Variants in SCLT1 observed in about 807,000 individuals in gnomAD.
The protein encoded by SCLT1 is sodium channel-associated protein 1.
Under a neutral mutation model 112.8 loss-of-function variants are expected in SCLT1, and 78 were observed. That is an observed-to-expected ratio of 0.69 (90% confidence interval 0.58 to 0.83). SCLT1 has a LOEUF of 0.83. Among genes scored for constraint, SCLT1 ranks in the 40% least tolerant of loss-of-function variants. The pLI is 0.00. For missense variants in SCLT1, 747 were observed against 770.4 expected (o/e 0.97, Z 0.36); for synonymous variants, 257 against 254.7 (o/e 1.01, Z -0.09).
At chr4:129,075,675 T>A (rs1238430363) in intron 2 of SCLT1, among the ~76,000 whole-genome samples, 1 of 152,206 alleles carries the variant, frequency 6.6e-6, no homozygotes, top group Non-Finnish European at 1.5e-5. Context: ...GCTACAATAC[T>A]GGACAGTGCA....
In SCLT1 at chr4:128,902,720, CAT is replaced by C. The variant is rs571973171; in HGVS notation, c.1830-11585_1830-11584del. Among the ~76,000 whole-genome samples the C allele has an allele frequency of 9.8e-4, 149 of 152,256 alleles. 2 individuals are homozygous for C. Among genetic ancestry groups the C allele is most frequent in the Non-Finnish European group, 1.5e-3 (100 of 68,000 alleles). On this transcript the variant is annotated intron_variant, in intron 18 of 20. Coordinates refer to ENST00000281142, the MANE Select transcript of SCLT1 (RefSeq NM_144643.4). ...TGAAGCTACACTAAATTTATAAAAACATATTTTTTCTTCAACACTAACCTTAG... is the reference window on the plus strand; with the variant it reads ...TGAAGCTACACTAAATTTATAAAAACATTTTTTCTTCAACACTAACCTTAG...
chr4:129,004,551 A>C (rs1743825482), intron 5 of SCLT1, among the ~76,000 whole-genome samples: 1 of 152,104 alleles, frequency 6.6e-6, no homozygotes. Flanking sequence ...GTTTTAATTT[A>C]AAATAATACA....
At chr4:129,041,848 T>G (rs1747727697) in intron 4 of SCLT1, 2 of 152,246 alleles carry the variant, frequency 1.3e-5, no homozygotes, top group Non-Finnish European at 2.9e-5. Flanking sequence ...CAAGTTCAAG[T>G]GATTTTTCCT....
At chr4:129,054,797 A>ATTTC (rs1312479997) in intron 2 of SCLT1, among the ~76,000 whole-genome samples, 2 of 152,082 alleles carry the variant, frequency 1.3e-5, no homozygotes, top group Admixed American at 6.5e-5. Context: ...CCTTGCAGAA[A>ATTTC]GGAGAGGAGT....
chr4:128,992,820 T>C (rs1050591830), intron 8 of SCLT1, among the ~76,000 whole-genome samples: 4 of 152,022 alleles, frequency 2.6e-5, no homozygotes, highest in Non-Finnish European at 5.9e-5. Context: ...TTCCTGAAGG[T>C]CAGCTTCTGG....
At chr4:128,907,056 G>A (rs1440181611) in intron 18 of SCLT1, among the ~76,000 whole-genome samples, 1 of 143,330 alleles carries the variant, frequency 7.0e-6, no homozygotes, top group Non-Finnish European at 1.5e-5. Context: ...ATCCGTGTGT[G>A]AAGACCAGGA....
intron 5 of SCLT1, among the ~76,000 whole-genome samples, chr4:129,005,197 C>T (rs1465372078): frequency 1.3e-5 from 2 of 152,054 alleles, no homozygotes; most frequent in Non-Finnish European, 2.9e-5. Flanking sequence ...AAAAAGTTTT[C>T]TGCAAATATT....
intron 2 of SCLT1, among the ~76,000 whole-genome samples, chr4:129,051,694 T>C (rs1748809460): frequency 6.6e-6 from 1 of 152,164 alleles, no homozygotes; most frequent in African/African-American, 2.4e-5. Flanking sequence ...GACTTCCTCT[T>C]TTCCTAATTG....
chr4:128,888,802 A>T, intron 19 of SCLT1, 28 bp from the exon 20 acceptor site: 1 of 1,370,978 alleles, frequency 7.3e-7, no homozygotes, highest in Non-Finnish European at 1.0e-6. Context: ...AAAACAAGTT[A>T]GAAATCCATA....
intron 5 of SCLT1, among the ~76,000 whole-genome samples, chr4:129,010,087 A>G (rs1473070670): frequency 6.6e-6 from 1 of 152,186 alleles, no homozygotes; most frequent in East Asian, 1.9e-4. Flanking sequence ...GGGGTTTTAC[A>G]TTTAAGTTTT....
chr4:128,955,238 T>C (rs927980076), intron 13 of SCLT1, among the ~76,000 whole-genome samples: 3 of 152,226 alleles, frequency 2.0e-5, no homozygotes, highest in African/African-American at 4.8e-5. Flanking sequence ...TTTTGAAGTC[T>C]GTAGAGGGAC....
chr4:128,953,905 T>A (rs946303318), intron 13 of SCLT1, among the ~76,000 whole-genome samples: 9 of 152,110 alleles, frequency 5.9e-5, no homozygotes. Flanking sequence ...TAAATTACTT[T>A]TACATATGAA....
At position 128,991,677 on chromosome 4, in the gene SCLT1, C is replaced by A. The variant is rs75909655; in HGVS notation, c.686+490G>T. On this transcript the variant is annotated intron_variant, in intron 9 of 20. Transcript: ENST00000281142. Reference sequence around the variant, plus strand: ...GCAAAATACCTGAATAGTAATTTTGCAAAAGAAGACATACAAATAAATGGA... The same window carrying A: ...GCAAAATACCTGAATAGTAATTTTGAAAAAGAAGACATACAAATAAATGGA... Among the ~76,000 whole-genome samples the A allele has an allele frequency of 3.8e-3, 573 of 151,600 alleles. 1 individual carries two copies. The highest frequency in any genetic ancestry group is 0.011 in the African/African-American group (475 of 41,428).
intron 18 of SCLT1, among the ~76,000 whole-genome samples, chr4:128,910,079 G>A (rs1734971193): frequency 6.6e-6 from 1 of 152,202 alleles, no homozygotes; most frequent in Non-Finnish European, 1.5e-5. Context: ...GGACACGTAT[G>A]TCACCGCATG....
chr4:128,950,661 C>CT (rs1441019457), intron 14 of SCLT1, among the ~76,000 whole-genome samples: 1 of 151,980 alleles, frequency 6.6e-6, no homozygotes, highest in African/African-American at 2.4e-5. Flanking sequence ...ATGATCTGTG[C>CT]TGCCGACCTA....
chr4:128,900,968 A>T (rs1001234368), intron 18 of SCLT1, among the ~76,000 whole-genome samples: 2 of 152,078 alleles, frequency 1.3e-5, no homozygotes, highest in East Asian at 3.9e-4. Context: ...TCAAAACCAC[A>T]ATGAGATACC....
chr4:128,962,257 A>T (rs768159706), intron 11 of SCLT1, among the ~76,000 whole-genome samples: 2 of 152,232 alleles, frequency 1.3e-5, no homozygotes, highest in Non-Finnish European at 2.9e-5. Flanking sequence ...AAAACAAATC[A>T]TGTTGTAATT....
In SCLT1 at chr4:128,903,612, C is replaced by A. The variant is rs1355572829; in HGVS notation, c.1830-12475G>T. On this transcript the variant is annotated intron_variant, in intron 18 of 20. Transcript: ENST00000281142. Reference sequence around the variant, plus strand: ...TCTTTCTCCAAAGAAATTGAAGTGGCTAAGAAAAGCTTATTTTTCATTCAA... The same window carrying A: ...TCTTTCTCCAAAGAAATTGAAGTGGATAAGAAAAGCTTATTTTTCATTCAA... Among the ~76,000 whole-genome samples the A allele has an allele frequency of 2.6e-5, 4 of 152,176 alleles. No homozygotes were observed. In the East Asian group the frequency reaches 5.8e-4, roughly 22 times the overall value.
Position 128,949,388 on chromosome 4 carries a change from A to T in SCLT1, c.1219-818T>A, listed in dbSNP as rs558002731. On this transcript the variant is annotated intron_variant, in intron 14 of 20. Transcript: ENST00000281142. Reference sequence around the variant, plus strand: ...ATTTGCATTTCTGTCCCTTTTTTTTAATTGTTATACTTTAAGTTTTAGGGT... The same window carrying T: ...ATTTGCATTTCTGTCCCTTTTTTTTTATTGTTATACTTTAAGTTTTAGGGT... Among the ~76,000 whole-genome samples, 874 of 151,584 alleles carry T rather than the reference A, an allele frequency of 5.8e-3. 7 individuals are homozygous for T. Among genetic ancestry groups the T allele is most frequent in the Middle Eastern group, 0.034 (10 of 292 alleles).
Sources: gnomAD v4.1 joint callset for allele counts (sites outside exome capture counted in the v4.1 genomes callset) on GRCh38, gnomAD v4.1.1 for gene constraint, MANE v1.5 for transcripts, NCBI Gene and HGNC (gene_info 2026-07-23, HGNC 2026-07-21) for gene names.